Variants in STX8 observed in about 807,000 individuals in gnomAD.
STX8 encodes syntaxin 8.
A neutral mutation model predicts 37.5 loss-of-function variants in STX8; 23 were observed. The ratio of observed to expected loss-of-function variants is 0.61; its 90% CI spans 0.44 to 0.87. The LOEUF is 0.87. STX8 is among the 40% of genes least tolerant of loss of function. STX8 has a pLI of 0.00. For synonymous variants in STX8, 115 were observed against 99.1 expected (o/e 1.16, Z -0.95); for missense variants, 313 against 284.7 (o/e 1.10, Z -0.71).
At chr17:9,491,955 C>T in intron 5 of STX8, 34 bp from the exon 6 acceptor site, 6 of 1,522,156 alleles carry the variant, frequency 3.9e-6, no homozygotes, top group Non-Finnish European at 4.5e-6. Context: ...TAACTAGAAA[C>T]TAGAAGAAAA....
intron 6 of STX8, among the ~76,000 whole-genome samples, chr17:9,451,790 CAGAGAGAG>C (rs34073862): frequency 6.7e-6 from 1 of 149,770 alleles, no homozygotes; most frequent in African/African-American, 2.4e-5. Flanking sequence ...TACATATATA[CAGAGAGAG>C]AGAGAGAGAG....
intron 6 of STX8, among the ~76,000 whole-genome samples, chr17:9,472,667 G>A (rs1005854622): frequency 1.3e-5 from 2 of 152,176 alleles, no homozygotes; most frequent in African/African-American, 2.4e-5. Context: ...GCTACAGCTG[G>A]ATGGGCCTGT....
intron 7 of STX8, among the ~76,000 whole-genome samples, chr17:9,287,755 CT>C (rs1039946832): frequency 6.7e-5 from 10 of 149,086 alleles, no homozygotes; most frequent in Admixed American, 1.3e-4. Context: ...TTTTTACATT[CT>C]TTTTTTTTTG....
At chr17:9,360,344 C>T (rs1418294965) in intron 7 of STX8, among the ~76,000 whole-genome samples, 1 of 149,984 alleles carries the variant, frequency 6.7e-6, no homozygotes, top group Non-Finnish European at 1.5e-5. Flanking sequence ...AAGCGATTCT[C>T]CTGCCTCAGC....
At chr17:9,460,411 G>A (rs901301566) in intron 6 of STX8, among the ~76,000 whole-genome samples, 1 of 152,046 alleles carries the variant, frequency 6.6e-6, no homozygotes, top group Non-Finnish European at 1.5e-5. Flanking sequence ...AGTGGCTCAC[G>A]CTTGTAAGCC....
chr17:9,364,521 T>C (rs1036859985), intron 7 of STX8, among the ~76,000 whole-genome samples: 4 of 152,132 alleles, frequency 2.6e-5, no homozygotes, highest in African/African-American at 9.7e-5. Flanking sequence ...TGCTATGTTA[T>C]TATTATTGTT....
At chr17:9,416,830 C>T (rs935405470) in intron 6 of STX8, among the ~76,000 whole-genome samples, 2 of 152,254 alleles carry the variant, frequency 1.3e-5, no homozygotes, top group South Asian at 4.1e-4. Context: ...TAGAGGATAA[C>T]CAGCCAGTGT....
intron 3 of STX8, among the ~76,000 whole-genome samples, chr17:9,551,029 C>A (rs1392812072): frequency 3.9e-5 from 6 of 152,074 alleles, no homozygotes; most frequent in Admixed American, 3.9e-4. Context: ...GAGCTGAGAT[C>A]GCACCATTGT....
intron 6 of STX8, among the ~76,000 whole-genome samples, chr17:9,426,113 C>T (rs918643411): frequency 9.9e-5 from 15 of 152,094 alleles, no homozygotes; most frequent in African/African-American, 3.6e-4. Context: ...TGAATTTCAA[C>T]GTTTTGAAGG....
intron 5 of STX8, among the ~76,000 whole-genome samples, chr17:9,496,795 T>G (rs546908333): frequency 2.6e-5 from 4 of 152,212 alleles, no homozygotes; most frequent in East Asian, 3.9e-4. Context: ...CAGAGAGAGA[T>G]AACTTACTGG....
intron 7 of STX8, among the ~76,000 whole-genome samples, chr17:9,357,208 T>TC (rs1039587097): frequency 6.6e-6 from 1 of 151,818 alleles, no homozygotes; most frequent in African/African-American, 2.4e-5. Flanking sequence ...TCTCAGGTGA[T>TC]CTGCCTGCCT....
At chr17:9,269,259 T>C (rs1394997760) in intron 7 of STX8, among the ~76,000 whole-genome samples, 8 of 152,114 alleles carry the variant, frequency 5.3e-5, no homozygotes, top group East Asian at 3.9e-4. Context: ...TGGGAAATGA[T>C]TGCATCTGGA....
intron 3 of STX8, among the ~76,000 whole-genome samples, chr17:9,546,591 GTTTTTTTTTTTTT>G (rs386385626): frequency 1.9e-5 from 1 of 52,208 alleles, no homozygotes; most frequent in Non-Finnish European, 3.2e-5. Flanking sequence ...TACAAAAGTG[GTTTTTTTTTTTTT>G]TTTTTTTTTT....
intron 7 of STX8, among the ~76,000 whole-genome samples, chr17:9,356,960 G>GTTTTTTTTTTTTTTTTTTT (rs140965935): frequency 1.6e-5 from 1 of 61,754 alleles, no homozygotes; most frequent in Non-Finnish European, 2.9e-5. Context: ...CCTTTTAACA[G>GTTTTTTTTTTTTTTTTTTT]TTTTTTTTTT....
intron 4 of STX8, among the ~76,000 whole-genome samples, chr17:9,544,345 G>A (rs918484037): frequency 7.9e-5 from 12 of 152,058 alleles, no homozygotes; most frequent in African/African-American, 2.2e-4. Context: ...AGCCCGACCC[G>A]TCCTCCAGGT....
intron 3 of STX8, chr17:9,548,594 ATAAG>A (rs1267492644): frequency 1.3e-5 from 2 of 152,258 alleles, no homozygotes; most frequent in African/African-American, 4.8e-5. Context: ...GGAAATATCA[ATAAG>A]TAACTAGTGT....
intron 6 of STX8, among the ~76,000 whole-genome samples, chr17:9,380,536 G>A (rs1911761256): frequency 1.3e-5 from 2 of 151,526 alleles, no homozygotes; most frequent in Admixed American, 1.3e-4. Context: ...TTACAACCAT[G>A]AGTCACTGTG....
chr17:9,256,352 C>T (rs909381635), intron 7 of STX8, among the ~76,000 whole-genome samples: 8 of 152,150 alleles, frequency 5.3e-5, no homozygotes, highest in African/African-American at 1.9e-4. Flanking sequence ...GTTGAAACAC[C>T]GGGATCAAGA....
rs192355457 is a variant in STX8 at position 9,394,690 on chromosome 17, T to C, written c.542-16037A>G. ...GAAAAGCTCATATTATTTAAAACCA[T>C]AACAACAACTGCCAATATTTAGTAA... On this transcript the variant is annotated intron_variant, in intron 6 of 7. Transcript: ENST00000306357. Among the ~76,000 whole-genome samples the C allele has an allele frequency of 4.3e-3, 639 of 150,176 alleles. 5 individuals are homozygous for C. Among genetic ancestry groups the C allele is most frequent in the African/African-American group, 0.014 (594 of 41,146 alleles).
Sources: allele counts gnomAD v4.1 joint callset (sites outside exome capture counted in the v4.1 genomes callset), GRCh38; gene constraint gnomAD v4.1.1; transcripts MANE v1.5; gene names NCBI Gene and HGNC (gene_info 2026-07-23, HGNC 2026-07-21).